Variants in KCNMB4 observed in about 807,000 individuals in gnomAD.
The protein encoded by KCNMB4 is potassium calcium-activated channel subfamily M regulatory beta subunit 4.
KCNMB4 carries 3 observed loss-of-function variants against 20.7 expected under a neutral mutation model. That is an observed-to-expected ratio of 0.14 (90% CI 0.07 to 0.37). KCNMB4 has a LOEUF of 0.37. Among genes scored for constraint, KCNMB4 ranks in the 10% least tolerant of loss-of-function variants. The probability of loss-of-function intolerance (pLI) is 1.00; values close to 1 mark genes in which losing one functional copy is unlikely to be tolerated. For missense variants in KCNMB4, 168 were observed against 265.9 expected, an observed-to-expected ratio of 0.63 and a Z score of 2.56; for synonymous variants, 110 against 113.4, an observed-to-expected ratio of 0.97 and a Z score of 0.19.
At chr12:70,421,298 C>G (rs1389876038) in intron 2 of KCNMB4, among the ~76,000 whole-genome samples, 8 of 151,084 alleles carry the variant, frequency 5.3e-5, no homozygotes, top group Admixed American at 5.3e-4. Flanking sequence ...CGAGACTGGC[C>G]TGGGTAACAT....
At chr12:70,406,188 G>A (rs1868596026) in intron 2 of KCNMB4, among the ~76,000 whole-genome samples, 1 of 152,132 alleles carries the variant, frequency 6.6e-6, no homozygotes, top group South Asian at 2.1e-4. Flanking sequence ...AAGATCAATA[G>A]GCTCTACAGA....
At chr12:70,393,549 G>A (rs960337685) in intron 1 of KCNMB4, among the ~76,000 whole-genome samples, 17 of 152,252 alleles carry the variant, frequency 1.1e-4, no homozygotes, top group African/African-American at 4.1e-4. Flanking sequence ...TTTGAAGATG[G>A]AATGCCATGC....
intron 1 of KCNMB4, among the ~76,000 whole-genome samples, chr12:70,376,536 T>C (rs1475680385): frequency 6.6e-6 from 1 of 152,036 alleles, no homozygotes. Context: ...AATTATATTT[T>C]TATACACTAG....
chr12:70,385,475 A>G (rs1868250316), intron 1 of KCNMB4, among the ~76,000 whole-genome samples: 1 of 152,308 alleles, frequency 6.6e-6, no homozygotes, highest in East Asian at 1.9e-4. Context: ...ATGAACATTT[A>G]TTTGATTTTG....
chr12:70,371,644 A>G (rs1056201578), intron 1 of KCNMB4, among the ~76,000 whole-genome samples: 4 of 152,208 alleles, frequency 2.6e-5, no homozygotes, highest in Non-Finnish European at 4.4e-5. Flanking sequence ...TGTTTGGTAT[A>G]TACATAAAAT....
intron 1 of KCNMB4, among the ~76,000 whole-genome samples, chr12:70,389,978 T>C (rs1565858215): frequency 6.6e-6 from 1 of 152,250 alleles, no homozygotes; most frequent in Non-Finnish European, 1.5e-5. Context: ...CTAATCATGT[T>C]ACTTGAAACA....
Position 70,430,730 on chromosome 12 carries a change from T to G in KCNMB4, c.*77T>G. On this transcript the variant is annotated 3_prime_UTR_variant, in exon 3 of 3. Coordinates refer to ENST00000258111, the MANE Select transcript of KCNMB4 (RefSeq NM_014505.6). ...CGCGTCCACCTGCGGAACCTGTGTT[T>G]CCTGGCGCAGGAGATGGACAGGGCC... 1 of 1,411,166 alleles carries G rather than the reference T, an allele frequency of 7.1e-7. No homozygotes were observed. Among genetic ancestry groups the G allele is most frequent in the South Asian group, 1.5e-5 (1 of 65,812 alleles). 87.4% of individuals were successfully genotyped at this position (1,411,166 alleles called of 1,614,324 possible).
intron 1 of KCNMB4, among the ~76,000 whole-genome samples, chr12:70,378,951 A>G (rs1883736906): frequency 6.6e-6 from 1 of 152,190 alleles, no homozygotes; most frequent in African/African-American, 2.4e-5. Context: ...CTCCTCATAC[A>G]TCTCCATCAG....
intron 2 of KCNMB4, among the ~76,000 whole-genome samples, chr12:70,421,788 A>C (rs1033073389): frequency 6.6e-6 from 1 of 151,278 alleles, no homozygotes. Flanking sequence ...TCACTATGTT[A>C]GCCAGGATGG....
At chr12:70,384,079 A>G (rs897868324) in intron 1 of KCNMB4, among the ~76,000 whole-genome samples, 1 of 152,132 alleles carries the variant, frequency 6.6e-6, no homozygotes, top group African/African-American at 2.4e-5. Context: ...AAAACAAACA[A>G]AAAACACCAG....
chr12:70,367,481 C>T (rs1203493806), intron 1 of KCNMB4, among the ~76,000 whole-genome samples: 1 of 152,154 alleles, frequency 6.6e-6, no homozygotes, highest in African/African-American at 2.4e-5. Flanking sequence ...TTCAGCTGGT[C>T]TCATCTAGAA....
chr12:70,397,652 T>G (rs1019532531), intron 1 of KCNMB4, among the ~76,000 whole-genome samples: 2 of 152,224 alleles, frequency 1.3e-5, no homozygotes, highest in Admixed American at 1.3e-4. Flanking sequence ...CAGAAGCATG[T>G]CAATGTAATT....
chr12:70,380,387 A>G (rs117985271), intron 1 of KCNMB4, among the ~76,000 whole-genome samples: 1 of 152,210 alleles, frequency 6.6e-6, no homozygotes, highest in Admixed American at 6.5e-5. Flanking sequence ...AATAATCATG[A>G]AAAGTTTGAA....
chr12:70,409,794 A>G (rs1032106095), intron 2 of KCNMB4, among the ~76,000 whole-genome samples: 3 of 152,212 alleles, frequency 2.0e-5, no homozygotes, highest in Admixed American at 1.3e-4. Context: ...CCATGTGCCA[A>G]TGTTCTGCAG....
At chr12:70,369,998 G>C (rs191735283) in intron 1 of KCNMB4, among the ~76,000 whole-genome samples, 1 of 152,256 alleles carries the variant, frequency 6.6e-6, no homozygotes, top group African/African-American at 2.4e-5. Flanking sequence ...TATGCTAGGA[G>C]CTTTGGTTCT....
chr12:70,417,929 T>G (rs1868952257), intron 2 of KCNMB4, among the ~76,000 whole-genome samples: 1 of 152,152 alleles, frequency 6.6e-6, no homozygotes, highest in Non-Finnish European at 1.5e-5. Flanking sequence ...ATGGGGGCAT[T>G]TGTGGTTGAG....
chr12:70,393,369 ATTT>A (rs1868317754), intron 1 of KCNMB4, among the ~76,000 whole-genome samples: 1 of 151,864 alleles, frequency 6.6e-6, no homozygotes, highest in Non-Finnish European at 1.5e-5. Context: ...TGCCTAGCTA[ATTT>A]TTGTTGTTTT....
At chr12:70,391,800 G>T (rs939879134) in intron 1 of KCNMB4, among the ~76,000 whole-genome samples, 1 of 152,182 alleles carries the variant, frequency 6.6e-6, no homozygotes, top group Non-Finnish European at 1.5e-5. Context: ...CACCTTTTCT[G>T]ATCTAACCTT....
intron 2 of KCNMB4, among the ~76,000 whole-genome samples, chr12:70,410,897 G>T (rs552810206): frequency 1.2e-4 from 18 of 152,320 alleles, no homozygotes; most frequent in African/African-American, 3.8e-4. Flanking sequence ...CTCAAAGTGT[G>T]TTTATCCTGT....
Sources: allele counts gnomAD v4.1 joint callset (sites outside exome capture counted in the v4.1 genomes callset), GRCh38; gene constraint gnomAD v4.1.1; transcripts MANE v1.5; gene names NCBI Gene and HGNC (gene_info 2026-07-23, HGNC 2026-07-21).